Variants in LYST observed in about 807,000 individuals in gnomAD.
LYST encodes lysosomal trafficking regulator.
LYST carries 192 observed loss-of-function variants against 413.6 expected under a neutral mutation model. That is an observed-to-expected ratio of 0.46 (90% CI 0.41 to 0.52). The LOEUF is 0.52. Ranked by LOEUF, LYST falls within the 20% of genes least tolerant of loss-of-function variation. The pLI, the probability that LYST is intolerant of heterozygous loss-of-function variation, is 0.00. For synonymous variants in LYST, 1,525 were observed against 1,567.3 expected (o/e 0.97, Z 0.64); for missense variants, 3,815 against 4,499.9 (o/e 0.85, Z 4.35).
At chr1:235,688,713 C>T (rs1293306022) in intron 47 of LYST, among the ~76,000 whole-genome samples, 1 of 152,054 alleles carries the variant, frequency 6.6e-6, no homozygotes, top group East Asian at 1.9e-4. Context: ...TGGCTGGGCA[C>T]AGTGGCTCAT....
chr1:235,746,540 A>G lies in LYST; in HGVS notation c.7781-13T>C. The G allele has an allele frequency of 1.3e-6, 2 of 1,594,286 alleles. No homozygotes were observed. The highest frequency in any genetic ancestry group is 1.7e-6 in the Non-Finnish European group (2 of 1,164,062). On this transcript the variant is annotated splice_polypyrimidine_tract_variant and intron_variant, in intron 28 of 52. Transcript: ENST00000389793. Reference sequence around the variant, plus strand: ...AATTTTCGAGGACCTTTAAAAGTATATAAATTAAAACATCAAATCCCAGTG... The same window carrying G: ...AATTTTCGAGGACCTTTAAAAGTATGTAAATTAAAACATCAAATCCCAGTG...
chr1:235,879,885 C>A (rs1417832986), intron 1 of LYST, among the ~76,000 whole-genome samples: 1 of 152,156 alleles, frequency 6.6e-6, no homozygotes, highest in Non-Finnish European at 1.5e-5. Flanking sequence ...TATGGGCATG[C>A]GCCACCACGC....
chr1:235,713,574 G>C (rs759885118), intron 42 of LYST, among the ~76,000 whole-genome samples: 1 of 152,210 alleles, frequency 6.6e-6, no homozygotes, highest in Non-Finnish European at 1.5e-5. Flanking sequence ...ATTTGGCAAT[G>C]TCTAGCAACA....
intron 26 of LYST, 43 bp downstream of exon 26, chr1:235,752,993 TGTTCTAAA>T: frequency 9.8e-7 from 1 of 1,016,210 alleles, no homozygotes; most frequent in South Asian, 1.4e-5. Context: ...AAAGTTTTCC[TGTTCTAAA>T]GTATTTATCA....
rs374351038 is a variant in LYST, at chr1:235,766,121, C to G, written c.6079G>C (p.Val2027Leu). ...LAVHPPTNTY[V>L]CHNPTNFYFS... ...TAGAAGTTCGTGGGATTGTGACAAA[C>G]GTAAGTATTAGTAGGAGGGTGAACT... Residue 2027 changes from valine (V) to leucine (L), a missense_variant, in exon 21 of 53, where the codon GTT becomes CTT. Val to Leu is a conservative substitution (Grantham distance 32). Coordinates refer to ENST00000389793, the MANE Select transcript of LYST (RefSeq NM_000081.4). 109 of 1,613,470 alleles carry G rather than the reference C, an allele frequency of 6.8e-5. 1 individual carries two copies. Among genetic ancestry groups the G allele is most frequent in the East Asian group, 5.4e-4 (24 of 44,848 alleles).
intron 28 of LYST, among the ~76,000 whole-genome samples, chr1:235,748,771 C>A (rs1384730340): frequency 6.6e-6 from 1 of 152,134 alleles, no homozygotes; most frequent in African/African-American, 2.4e-5. Flanking sequence ...AACTTAAGGT[C>A]TAGATGTAAT....
chr1:235,748,743 CTCCTCTAGCAATGCA>C (rs1414814514), intron 28 of LYST, among the ~76,000 whole-genome samples: 1 of 152,168 alleles, frequency 6.6e-6, no homozygotes, highest in Non-Finnish European at 1.5e-5. Context: ...TGGTATCTAA[CTCCTCTAGCAATGCA>C]AGAACTTAAG....
At chr1:235,867,797 G>T (rs959205929), upstream of LYST, among the ~76,000 whole-genome samples, 5 of 152,182 alleles carry the variant, frequency 3.3e-5, no homozygotes, top group African/African-American at 9.7e-5. Context: ...AACTGTAATC[G>T]TTCGGTAGTT....
chr1:235,838,765 C>T (rs954027229), intron 1 of LYST, among the ~76,000 whole-genome samples: 1 of 152,160 alleles, frequency 6.6e-6, no homozygotes, highest in African/African-American at 2.4e-5. Flanking sequence ...GATACAATCT[C>T]CTCCCCAATC....
intron 14 of LYST, among the ~76,000 whole-genome samples, chr1:235,786,515 G>A (rs1670428105): frequency 6.6e-6 from 1 of 152,148 alleles, no homozygotes; most frequent in Non-Finnish European, 1.5e-5. Flanking sequence ...TCTGGAACTA[G>A]AAATACCATT....
intron 25 of LYST, among the ~76,000 whole-genome samples, chr1:235,754,152 A>C (rs1282488034): frequency 6.6e-6 from 1 of 151,592 alleles, no homozygotes; most frequent in African/African-American, 2.4e-5. Context: ...CTCTGAGGAG[A>C]GTAAGGCGTT....
intron 1 of LYST, among the ~76,000 whole-genome samples, chr1:235,846,961 A>G (rs1677956569): frequency 6.6e-6 from 1 of 152,190 alleles, no homozygotes; most frequent in African/African-American, 2.4e-5. Flanking sequence ...ATCTGGGTGG[A>G]TAATTGAGGA....
intron 1 of LYST, among the ~76,000 whole-genome samples, chr1:235,873,577 CATT>C (rs1165765985): frequency 1.3e-5 from 2 of 152,148 alleles, no homozygotes; most frequent in Non-Finnish European, 2.9e-5. Context: ...GTTATTATTG[CATT>C]ATTATTACTA....
intron 13 of LYST, among the ~76,000 whole-genome samples, chr1:235,787,613 G>T (rs1670560029): frequency 1.3e-5 from 2 of 151,786 alleles, no homozygotes; most frequent in South Asian, 4.2e-4. Flanking sequence ...TCATAATTTA[G>T]GCAATAATGT....
chr1:235,806,266 A>C lies in LYST; in HGVS notation c.2870T>G (p.Met957Arg), dbSNP rs201554916. Residue 957 changes from methionine (M) to arginine (R), a missense_variant, in exon 6 of 53, where the codon ATG becomes AGG. Transcript: ENST00000389793. ...ESLVLPSPEH[M>R]HQAADIWSMC... is the part of the protein sequence containing the mutation. Reference sequence around the variant, plus strand: ...AGACCAAATGTCTGCTGCTTGGTGCATATGTTCAGGAGAAGGCAAGACAAG... The same window carrying C: ...AGACCAAATGTCTGCTGCTTGGTGCCTATGTTCAGGAGAAGGCAAGACAAG... 1 of 1,614,022 alleles carries C rather than the reference A, an allele frequency of 6.2e-7. No homozygotes were observed. Among genetic ancestry groups the C allele is most frequent in the Admixed American group, 1.7e-5 (1 of 59,984 alleles).
intron 22 of LYST, among the ~76,000 whole-genome samples, chr1:235,762,513 TATG>T (rs1356941225): frequency 3.3e-5 from 5 of 152,174 alleles, no homozygotes; most frequent in Non-Finnish European, 7.3e-5. Flanking sequence ...GACAAATGAC[TATG>T]ATAAGAGAAG....
Position 235,664,555 on chromosome 1 carries a change from C to T in LYST, c.11105G>A (p.Arg3702Lys). ...GAAAGCCACGGAACAGATGATCTCC[C>T]TGCAGTGGACATGTCCAACGAGATC... ...NGDLVGHVHC[R>K]EIICSVAFSN... Residue 3702 changes from arginine (R) to lysine (K), a missense_variant, in exon 51 of 53, where the codon AGG becomes AAG. Around this residue, in one of 4 missense-constraint regions of LYST, gnomAD observed 866 missense variants for 1,156.0 expected, o/e 0.75. Coordinates refer to ENST00000389793, the MANE Select transcript of LYST (RefSeq NM_000081.4). This position sits in a 1 kb window ranked among gnomAD's most constrained non-coding sequence, Gnocchi z 4.5. The T allele has an allele frequency of 1.2e-6, 2 of 1,614,152 alleles. No homozygotes were observed. Among genetic ancestry groups the T allele is most frequent in the Non-Finnish European group, 1.7e-6 (2 of 1,179,992 alleles).
intron 52 of LYST, among the ~76,000 whole-genome samples, chr1:235,663,327 A>G (rs551660478): frequency 2.3e-4 from 35 of 152,296 alleles, no homozygotes; most frequent in African/African-American, 6.7e-4. Context: ...AGTACATTCT[A>G]TTCTTTGCAT....
chr1:235,805,623 AC>A, intron 6 of LYST, 119 bp downstream of exon 6: 1 of 341,408 alleles, frequency 2.9e-6, no homozygotes, highest in Non-Finnish European at 4.8e-6. Context: ...TATATATAAC[AC>A]AATAATATAT....
Sources: gnomAD v4.1 joint callset for allele counts (sites outside exome capture counted in the v4.1 genomes callset) on GRCh38, gnomAD v4.1.1 for gene constraint, gnomAD v4.1.1 regional missense constraint, Gnocchi (gnomAD v3.1) non-coding constraint, MANE v1.5 for transcripts, NCBI Gene and HGNC (gene_info 2026-07-23, HGNC 2026-07-21) for gene names.